The following SMYD3 variants were observed in gnomAD, a reference collection of about 807,000 sequenced individuals.
SMYD3 encodes SET and MYND domain containing 3, also known as histone-lysine N-methyltransferase SMYD3.
Under a neutral mutation model 57.7 loss-of-function variants are expected in SMYD3, and 36 were observed. The ratio of observed to expected loss-of-function variants is 0.62; its 90% CI spans 0.48 to 0.82. The LOEUF (loss-of-function observed/expected upper bound fraction) is 0.82, where lower values mean the gene tolerates loss of function less well. Ranked by LOEUF, SMYD3 falls within the 40% of genes least tolerant of loss-of-function variation. The pLI is 0.00. For missense variants in SMYD3, 515 were observed against 538.8 expected, an observed-to-expected ratio of 0.96 and a Z score of 0.44; for synonymous variants, 211 against 195.0, an observed-to-expected ratio of 1.08 and a Z score of -0.68.
chr1:245,828,557 A>T (rs2049638991), intron 10 of SMYD3, among the ~76,000 whole-genome samples: 1 of 152,172 alleles, frequency 6.6e-6, no homozygotes, highest in Non-Finnish European at 1.5e-5. Flanking sequence ...TTTAATAGAC[A>T]AATAATAATT....
intron 5 of SMYD3, among the ~76,000 whole-genome samples, chr1:245,967,853 G>T (rs751030895): frequency 6.6e-6 from 1 of 152,162 alleles, no homozygotes; most frequent in East Asian, 1.9e-4. Flanking sequence ...ATAATTTAAG[G>T]CAACAGGCAG....
At chr1:246,327,074 G>A (rs2065365389) in intron 5 of SMYD3, 127 bp downstream of exon 5, 9 of 1,062,254 alleles carry the variant, frequency 8.5e-6, no homozygotes, top group Non-Finnish European at 1.3e-5. Flanking sequence ...CTATGATAAG[G>A]AAGTAATATA....
intron 11 of SMYD3, among the ~76,000 whole-genome samples, chr1:245,759,695 GA>G (rs2045761383): frequency 6.6e-6 from 1 of 152,184 alleles, no homozygotes; most frequent in Admixed American, 6.5e-5. Flanking sequence ...AAGCTAAAAA[GA>G]TGCTCAATGG....
intron 10 of SMYD3, among the ~76,000 whole-genome samples, chr1:245,820,264 C>G (rs970648044): frequency 6.6e-6 from 1 of 151,538 alleles, no homozygotes; most frequent in Non-Finnish European, 1.5e-5. Flanking sequence ...TAAATGTAAT[C>G]CAGCATATAA....
At chr1:246,281,764 G>A (rs933280530) in intron 5 of SMYD3, among the ~76,000 whole-genome samples, 3 of 152,202 alleles carry the variant, frequency 2.0e-5, no homozygotes, top group African/African-American at 7.2e-5. Context: ...AAGAGGCAAA[G>A]GCTTTGATTC....
intron 5 of SMYD3, among the ~76,000 whole-genome samples, chr1:245,933,493 GT>G (rs2056838366): frequency 6.6e-6 from 1 of 151,978 alleles, no homozygotes; most frequent in Non-Finnish European, 1.5e-5. Flanking sequence ...TAATATTATA[GT>G]TTTTCTAGAT....
chr1:246,249,405 G>A (rs996212626), intron 5 of SMYD3, among the ~76,000 whole-genome samples: 7 of 152,062 alleles, frequency 4.6e-5, no homozygotes, highest in African/African-American at 1.7e-4. Flanking sequence ...TACCTGGCCT[G>A]ATTATTGATA....
intron 1 of SMYD3, among the ~76,000 whole-genome samples, chr1:246,497,137 A>G (rs1364490782): frequency 6.6e-6 from 1 of 152,054 alleles, no homozygotes; most frequent in Non-Finnish European, 1.5e-5. Context: ...TCTTGTAGTA[A>G]TAAACTGTAA....
intron 1 of SMYD3, among the ~76,000 whole-genome samples, chr1:246,371,741 TTC>T (rs1316280065): frequency 6.6e-6 from 1 of 152,114 alleles, no homozygotes; most frequent in African/African-American, 2.4e-5. Flanking sequence ...TCTAGAAAAA[TTC>T]TCTCTCTTAC....
intron 5 of SMYD3, among the ~76,000 whole-genome samples, chr1:245,939,014 C>T (rs991662658): frequency 1.3e-5 from 2 of 151,810 alleles, no homozygotes; most frequent in Non-Finnish European, 2.9e-5. Context: ...GGCGTGGTGG[C>T]CTGAGGCTAT....
In SMYD3 at chr1:246,267,180, G is replaced by A. The variant is rs574064197; in HGVS notation, c.531+60021C>T. ...TAAATGTGCATAGCCTGAATACAAA[G>A]GAGCTAAGAGATAACGGAATACATA... On this transcript the variant is annotated intron_variant, in intron 5 of 11. Coordinates refer to ENST00000490107, the MANE Select transcript of SMYD3 (RefSeq NM_001167740.2). Among the ~76,000 whole-genome samples, 196 of 152,224 alleles carry A rather than the reference G, an allele frequency of 1.3e-3. 1 individual carries two copies. The highest frequency in any genetic ancestry group is 0.01 in the Middle Eastern group (3 of 294).
chr1:246,505,429 GAGC>G (rs111391483), intron 1 of SMYD3, among the ~76,000 whole-genome samples: 2 of 151,604 alleles, frequency 1.3e-5, no homozygotes, highest in Non-Finnish European at 1.5e-5. Context: ...GTTTCCCAAG[GAGC>G]AGCAGCAGCA....
intron 5 of SMYD3, among the ~76,000 whole-genome samples, chr1:245,939,985 G>A (rs994080420): frequency 6.6e-6 from 1 of 152,148 alleles, no homozygotes; most frequent in Non-Finnish European, 1.5e-5. Flanking sequence ...GGTTTGGACT[G>A]GGAGGAATTC....
At chr1:246,345,155 T>C (rs1040517766) in intron 2 of SMYD3, among the ~76,000 whole-genome samples, 1 of 152,212 alleles carries the variant, frequency 6.6e-6, no homozygotes, top group African/African-American at 2.4e-5. Context: ...ATGTACCCCA[T>C]ATCCAAAGAG....
intron 5 of SMYD3, among the ~76,000 whole-genome samples, chr1:246,145,914 G>A (rs554925567): frequency 1.3e-5 from 2 of 152,328 alleles, no homozygotes; most frequent in South Asian, 4.1e-4. Context: ...ATATTAAGGA[G>A]TAGAGGAAGG....
intron 5 of SMYD3, among the ~76,000 whole-genome samples, chr1:245,941,931 G>A (rs1163273246): frequency 2.0e-5 from 3 of 152,164 alleles, no homozygotes; most frequent in Non-Finnish European, 4.4e-5. Context: ...CTAATGGTGA[G>A]GAAATGTGTC....
chr1:246,154,567 T>C (rs902011239), intron 5 of SMYD3, among the ~76,000 whole-genome samples: 1 of 152,164 alleles, frequency 6.6e-6, no homozygotes, highest in African/African-American at 2.4e-5. Flanking sequence ...AGAATAGTAA[T>C]TAACATTTAG....
intron 11 of SMYD3, among the ~76,000 whole-genome samples, chr1:245,753,594 G>C (rs953431152): frequency 5.3e-5 from 7 of 131,774 alleles, no homozygotes; most frequent in African/African-American, 1.9e-4. Flanking sequence ...GGCCCTGTGT[G>C]GCCCTGGGCA....
chr1:245,842,299 T>C (rs975440606), intron 10 of SMYD3, among the ~76,000 whole-genome samples: 2 of 152,242 alleles, frequency 1.3e-5, no homozygotes, highest in African/African-American at 2.4e-5. Context: ...TGTGCATATC[T>C]GAAAACTAGG....
Sources: gnomAD v4.1 joint callset for allele counts (sites outside exome capture counted in the v4.1 genomes callset) on GRCh38, gnomAD v4.1.1 for gene constraint, MANE v1.5 for transcripts, NCBI Gene and HGNC (gene_info 2026-07-23, HGNC 2026-07-21) for gene names.